Variants in CACNB4 observed in about 807,000 individuals in gnomAD.
CACNB4 encodes the protein calcium voltage-gated channel auxiliary subunit beta 4, also known as voltage-dependent L-type calcium channel subunit beta-4.
CACNB4 carries 32 observed loss-of-function variants against 71.2 expected under a neutral mutation model. The observed-to-expected ratio is 0.45, with a 90% CI of 0.34 to 0.60. The LOEUF (loss-of-function observed/expected upper bound fraction) is 0.60, where lower values mean the gene tolerates loss of function less well. Ranked by LOEUF, CACNB4 falls within the 20% of genes least tolerant of loss-of-function variation. CACNB4 has a pLI of 0.01. For synonymous variants in CACNB4, 231 were observed against 236.9 expected (o/e 0.97, Z 0.23); for missense variants, 464 against 647.9 (o/e 0.72, Z 3.08).
At chr2:151,872,106 A>G (rs545398238) in intron 6 of CACNB4, 9 of 293,896 alleles carry the variant, frequency 3.1e-5, no homozygotes, top group African/African-American at 1.9e-4. Flanking sequence ...GGCCTTCACC[A>G]TCTTAAACTC....
chr2:152,017,317 A>G lies in CACNB4; in HGVS notation c.147+81013T>C, dbSNP rs529258488. 3.7e-4 allele frequency among the ~76,000 whole-genome samples: 55 copies of G among 150,232 alleles called. 4 individuals are homozygous for G. The highest frequency in any genetic ancestry group is 1.4e-3 in the African/African-American group (54 of 39,502). On this transcript the variant is annotated intron_variant, in intron 2 of 13. Coordinates refer to ENST00000539935, the MANE Select transcript of CACNB4 (RefSeq NM_000726.5). Reference sequence around the variant, plus strand: ...TAGTTCTGCAGACCACATTTGAAAAATAACAATTTATTCAAACTCAGCTAA... The same window carrying G: ...TAGTTCTGCAGACCACATTTGAAAAGTAACAATTTATTCAAACTCAGCTAA...
chr2:151,847,982 A>C (rs1489984517), intron 12 of CACNB4, among the ~76,000 whole-genome samples: 1 of 152,210 alleles, frequency 6.6e-6, no homozygotes, highest in African/African-American at 2.4e-5. Flanking sequence ...AGGGCAAAAA[A>C]TATATAACTT....
intron 2 of CACNB4, among the ~76,000 whole-genome samples, chr2:151,941,003 T>C (rs1358285669): frequency 6.6e-6 from 1 of 152,210 alleles, no homozygotes; most frequent in African/African-American, 2.4e-5. Flanking sequence ...ACTCTCTGTC[T>C]CTATGGCATG....
chr2:151,909,109 T>C (rs2099855517), intron 2 of CACNB4, among the ~76,000 whole-genome samples: 2 of 147,496 alleles, frequency 1.4e-5, no homozygotes, highest in African/African-American at 4.9e-5. Flanking sequence ...AATATATATA[T>C]TTATATATAT....
chr2:151,991,989 A>C (rs1681731246), intron 2 of CACNB4, among the ~76,000 whole-genome samples: 1 of 152,252 alleles, frequency 6.6e-6, no homozygotes, highest in African/African-American at 2.4e-5. Flanking sequence ...ACTCAGTCCC[A>C]CTGAGAACTT....
At chr2:152,029,112 T>C (rs1560145256) in intron 2 of CACNB4, among the ~76,000 whole-genome samples, 1 of 152,124 alleles carries the variant, frequency 6.6e-6, no homozygotes. Flanking sequence ...TATTTGAATG[T>C]ATTTGGGAGG....
intron 2 of CACNB4, among the ~76,000 whole-genome samples, chr2:151,930,445 C>T (rs2099861350): frequency 1.3e-5 from 2 of 152,114 alleles, no homozygotes; most frequent in Non-Finnish European, 2.9e-5. Flanking sequence ...GATCCAAATC[C>T]TTGAAGTCTT....
At chr2:151,945,366 CT>C (rs2099865288) in intron 2 of CACNB4, among the ~76,000 whole-genome samples, 2 of 152,174 alleles carry the variant, frequency 1.3e-5, no homozygotes, top group Non-Finnish European at 2.9e-5. Context: ...TTTCTGTTTC[CT>C]CATCTTAACA....
intron 2 of CACNB4, among the ~76,000 whole-genome samples, chr2:152,020,772 G>A (rs1420214953): frequency 6.6e-6 from 1 of 152,160 alleles, no homozygotes; most frequent in Non-Finnish European, 1.5e-5. Flanking sequence ...GGAAGCCGGG[G>A]AAAGGAAAGC....
intron 2 of CACNB4, among the ~76,000 whole-genome samples, chr2:152,064,556 T>A (rs1686194946): frequency 6.6e-6 from 1 of 151,792 alleles, no homozygotes; most frequent in Non-Finnish European, 1.5e-5. Context: ...AATTTTTGTA[T>A]TTTTTTAGTA....
chr2:151,871,021 G>C, intron 6 of CACNB4, 160 bp from the exon 7 acceptor site: 1 of 617,202 alleles, frequency 1.6e-6, no homozygotes. Context: ...TTTCATTCTG[G>C]ACACGTCAAT....
intron 12 of CACNB4, among the ~76,000 whole-genome samples, chr2:151,846,897 A>T (rs181912185): frequency 3.0e-4 from 45 of 152,298 alleles, no homozygotes; most frequent in African/African-American, 1.0e-3. Context: ...TTAGCTAGAC[A>T]GGGGATTAAA....
At chr2:151,905,731 C>T (rs2099854642) in intron 2 of CACNB4, among the ~76,000 whole-genome samples, 1 of 152,154 alleles carries the variant, frequency 6.6e-6, no homozygotes, top group South Asian at 2.1e-4. Flanking sequence ...GACCAGCGAG[C>T]TTGACAGCTA....
intron 2 of CACNB4, among the ~76,000 whole-genome samples, chr2:152,072,835 G>C (rs1410000543): frequency 6.7e-6 from 1 of 149,672 alleles, no homozygotes; most frequent in Non-Finnish European, 1.5e-5. Flanking sequence ...ATTTTTAGTA[G>C]AGATGGGGTT....
At chr2:151,954,278 C>T (rs1037416210) in intron 2 of CACNB4, among the ~76,000 whole-genome samples, 1 of 152,168 alleles carries the variant, frequency 6.6e-6, no homozygotes, top group Admixed American at 6.5e-5. Flanking sequence ...CAACATCACA[C>T]AAAAATTAAG....
At chr2:151,967,120 TC>T (rs2099871351) in intron 2 of CACNB4, 1 of 143,800 alleles carries the variant, frequency 7.0e-6, no homozygotes, top group Non-Finnish European at 1.5e-5. Context: ...TGATCAGGCC[TC>T]ACTGAAGCCT....
At chr2:151,922,002 T>C (rs2099859131) in intron 2 of CACNB4, among the ~76,000 whole-genome samples, 3 of 152,148 alleles carry the variant, frequency 2.0e-5, no homozygotes, top group Non-Finnish European at 4.4e-5. Flanking sequence ...GGTAGTTCTT[T>C]ATAGCAGTGT....
chr2:152,007,132 T>A (rs968489454), intron 2 of CACNB4, among the ~76,000 whole-genome samples: 4 of 152,254 alleles, frequency 2.6e-5, no homozygotes, highest in African/African-American at 4.8e-5. Context: ...CCCTCTCCGC[T>A]GACAACTCTA....
At chr2:152,074,116 C>T (rs554116112) in intron 2 of CACNB4, among the ~76,000 whole-genome samples, 1 of 152,152 alleles carries the variant, frequency 6.6e-6, no homozygotes, top group South Asian at 2.1e-4. Context: ...ATGCAGTCAT[C>T]ACTCCAGGAG....
Sources: allele counts gnomAD v4.1 joint callset (sites outside exome capture counted in the v4.1 genomes callset), GRCh38; gene constraint gnomAD v4.1.1; transcripts MANE v1.5; gene names NCBI Gene and HGNC (gene_info 2026-07-23, HGNC 2026-07-21).